RGS22: variants seen among roughly 807,000 people sequenced by gnomAD.
RGS22 encodes regulator of G protein signaling 22.
Under a neutral mutation model 172.9 loss-of-function variants are expected in RGS22, and 148 were observed. That is an observed-to-expected ratio of 0.86 (90% CI 0.75 to 0.98). The LOEUF is 0.98. Among genes scored for constraint, RGS22 ranks in the 50% least tolerant of loss-of-function variants. The pLI is 0.00. For missense variants in RGS22, 1,347 were observed against 1,440.8 expected (o/e 0.93, Z 1.05); for synonymous variants, 458 against 480.2 (o/e 0.95, Z 0.60).
At chr8:100,028,235 T>C (rs1818389426) in intron 14 of RGS22, among the ~76,000 whole-genome samples, 1 of 152,160 alleles carries the variant, frequency 6.6e-6, no homozygotes, top group African/African-American at 2.4e-5. Flanking sequence ...TGGTCCCTGG[T>C]GATGTCCCTT....
At chr8:100,028,217 C>T (rs1007125584) in intron 14 of RGS22, among the ~76,000 whole-genome samples, 24 of 152,136 alleles carry the variant, frequency 1.6e-4, no homozygotes, top group African/African-American at 5.6e-4. Flanking sequence ...CAGTACATTT[C>T]TTAACCATGG....
intron 11 of RGS22, among the ~76,000 whole-genome samples, chr8:100,046,907 C>A (rs1820783136): frequency 1.3e-5 from 2 of 151,890 alleles, no homozygotes; most frequent in Non-Finnish European, 2.9e-5. Flanking sequence ...CTCTGCCTCC[C>A]GGGTTCAAGT....
chr8:100,039,906 C>G lies in RGS22; in HGVS notation c.2064+56G>C, dbSNP rs1015163540. 3 of 1,117,810 alleles carry G rather than the reference C, an allele frequency of 2.7e-6. No individual in the cohort carries two copies. The African/African-American group carries it at 4.9e-5, about 18-fold the overall frequency. The allele number at this position is 1,117,810 out of a possible 1,614,324, so 69.2% of individuals were successfully genotyped here. ...TGTGAGCACTTAATTATTTTGATGTCTCATTTTTAAATGAAGTAAAATTAT... is the reference window on the plus strand; with the variant it reads ...TGTGAGCACTTAATTATTTTGATGTGTCATTTTTAAATGAAGTAAAATTAT... On this transcript the variant is annotated intron_variant, in intron 13 of 27. Coordinates refer to ENST00000360863, the MANE Select transcript of RGS22 (RefSeq NM_015668.5).
chr8:99,995,444 T>C (rs1814258675), intron 20 of RGS22, among the ~76,000 whole-genome samples: 1 of 152,008 alleles, frequency 6.6e-6, no homozygotes, highest in Non-Finnish European at 1.5e-5. Flanking sequence ...CATCAAAAAG[T>C]GGGCGAAGGA....
intron 18 of RGS22, 85 bp downstream of exon 18, chr8:100,002,117 A>C: frequency 2.9e-6 from 3 of 1,027,462 alleles, no homozygotes; most frequent in Non-Finnish European, 4.2e-6. Context: ...AAATAAAATA[A>C]GAGACTTTCA....
intron 2 of RGS22, among the ~76,000 whole-genome samples, chr8:100,097,277 TATC>T (rs1322382605): frequency 6.6e-6 from 1 of 152,180 alleles, no homozygotes; most frequent in Non-Finnish European, 1.5e-5. Context: ...TTCATCAAAT[TATC>T]ATTCTTTAAA....
chr8:99,980,578 T>C (rs1321456611), intron 22 of RGS22, among the ~76,000 whole-genome samples: 1 of 152,154 alleles, frequency 6.6e-6, no homozygotes, highest in Non-Finnish European at 1.5e-5. Flanking sequence ...AAAACAGGAA[T>C]AACAACAGAT....
chr8:100,025,589 G>A (rs958235007), intron 14 of RGS22, among the ~76,000 whole-genome samples: 5 of 152,262 alleles, frequency 3.3e-5, no homozygotes, highest in East Asian at 1.9e-4. Flanking sequence ...AACTTAGCTC[G>A]TGACACTTTA....
At chr8:99,996,930 G>A (rs1261348838) in intron 19 of RGS22, among the ~76,000 whole-genome samples, 1 of 152,268 alleles carries the variant, frequency 6.6e-6, no homozygotes, top group African/African-American at 2.4e-5. Flanking sequence ...ATTTCTTGGG[G>A]TTATTGCCTA....
At chr8:100,027,206 C>A (rs2131505653) in intron 14 of RGS22, among the ~76,000 whole-genome samples, 1 of 152,076 alleles carries the variant, frequency 6.6e-6, no homozygotes, top group East Asian at 1.9e-4. Context: ...TGCTCTCCAG[C>A]TTGGGTGACA....
intron 22 of RGS22, 144 bp downstream of exon 22, chr8:99,981,793 C>A: frequency 4.1e-6 from 2 of 490,648 alleles, no homozygotes; most frequent in Middle Eastern, 6.4e-4. Flanking sequence ...AACTCCTGAG[C>A]TCAAACAATC....
chr8:99,968,048 C>A (rs1037030806), intron 23 of RGS22, among the ~76,000 whole-genome samples: 1 of 152,208 alleles, frequency 6.6e-6, no homozygotes, highest in Admixed American at 6.5e-5. Flanking sequence ...AGGCAGCAAT[C>A]TTTTTGTTCT....
At position 99,965,348 on chromosome 8, in the gene RGS22, G is replaced by T; in HGVS notation, c.3602C>A (p.Pro1201Gln). The change falls in exon 24 of 28, where the codon CCA becomes CAA. Residue 1201 changes from proline (P) to glutamine (Q), a missense_variant. Transcript: ENST00000360863. Reference sequence around the variant, plus strand: ...TTGCATGCTTACCTGTCGGCCATATGGTTGGAGGCCTAGGAAGGAATCACT... The same window carrying T: ...TTGCATGCTTACCTGTCGGCCATATTGTTGGAGGCCTAGGAAGGAATCACT... The part of the protein sequence containing the change: ...LLSDSFLGLQ[P>Q]YGRQPTWCYS... 1 of 1,612,700 alleles carries T rather than the reference G, an allele frequency of 6.2e-7. No homozygotes were observed.
intron 22 of RGS22, among the ~76,000 whole-genome samples, chr8:99,980,808 C>T (rs866854582): frequency 2.6e-5 from 4 of 152,094 alleles, no homozygotes; most frequent in Non-Finnish European, 4.4e-5. Context: ...CCTTTGGTAT[C>T]GATGGGTAAG....
chr8:99,962,819 G>A, intron 25 of RGS22, 52 bp from the exon 26 acceptor site: 1 of 1,583,196 alleles, frequency 6.3e-7, no homozygotes, highest in Middle Eastern at 1.7e-4. Context: ...TATTGGCAAA[G>A]TCTTCTAAAA....
intron 22 of RGS22, 54 bp from the exon 23 acceptor site, chr8:99,978,129 C>T (rs1812185679): frequency 4.9e-6 from 5 of 1,029,794 alleles, no homozygotes; most frequent in East Asian, 5.4e-5. Context: ...CCAATTTAAA[C>T]TCTATTCACC....
At chr8:100,049,107 T>C (rs1821020108) in intron 10 of RGS22, among the ~76,000 whole-genome samples, 1 of 152,020 alleles carries the variant, frequency 6.6e-6, no homozygotes, top group Non-Finnish European at 1.5e-5. Context: ...ACCCAGAAAG[T>C]AACTGATGGG....
intron 10 of RGS22, among the ~76,000 whole-genome samples, chr8:100,048,750 G>A (rs1674500073): frequency 6.6e-6 from 1 of 152,028 alleles, no homozygotes; most frequent in African/African-American, 2.4e-5. Context: ...AAGAGGCTGA[G>A]CTTATTATTA....
intron 14 of RGS22, among the ~76,000 whole-genome samples, chr8:100,016,978 CTTTTTTTTTTTTTTTTTTTTTT>C (rs71274949): frequency 1.4e-3 from 50 of 36,132 alleles, no homozygotes; most frequent in Non-Finnish European, 1.9e-3. Context: ...CCTTACCAGT[CTTTTTTTTTTTTTTTTTTTTTT>C]TTTTTTTTTT....
Sources: allele counts gnomAD v4.1 joint callset (sites outside exome capture counted in the v4.1 genomes callset), GRCh38; gene constraint gnomAD v4.1.1; transcripts MANE v1.5; gene names NCBI Gene and HGNC (gene_info 2026-07-23, HGNC 2026-07-21).